RBFOX3: variants seen among roughly 807,000 people sequenced by gnomAD.
RBFOX3 encodes RNA binding fox-1 homolog 3, also known as RNA binding protein fox-1 homolog 3.
Under a neutral mutation model 48.7 loss-of-function variants are expected in RBFOX3, and 17 were observed. The observed-to-expected ratio is 0.35, with a 90% CI of 0.24 to 0.52. The LOEUF is 0.52. Among genes scored for constraint, RBFOX3 ranks in the 20% least tolerant of loss-of-function variants. RBFOX3 has a pLI of 0.94. For missense variants in RBFOX3, 382 were observed against 497.5 expected, an observed-to-expected ratio of 0.77 and a Z score of 2.21; for synonymous variants, 212 against 209.5, an observed-to-expected ratio of 1.01 and a Z score of -0.10.
chr17:79,245,002 C>CTT (rs2062959275), intron 3 of RBFOX3, among the ~76,000 whole-genome samples: 1 of 144,352 alleles, frequency 6.9e-6, no homozygotes, highest in African/African-American at 2.6e-5. Context: ...CCTCCCTTTT[C>CTT]TTTTCTTTCC....
At chr17:79,303,646 A>G (rs1431845990) in intron 3 of RBFOX3, among the ~76,000 whole-genome samples, 1 of 152,170 alleles carries the variant, frequency 6.6e-6, no homozygotes, top group Non-Finnish European at 1.5e-5. Flanking sequence ...TCTTTTAGAG[A>G]GAAATGATAG....
chr17:79,463,457 G>A (rs543785190), intron 2 of RBFOX3, among the ~76,000 whole-genome samples: 2,072 of 106,126 alleles, frequency 0.02, 99 homozygotes, highest in Non-Finnish European at 0.027. Flanking sequence ...CACCTCCACC[G>A]CCATCACCAC....
chr17:79,224,945 A>T (rs544965913), intron 4 of RBFOX3, among the ~76,000 whole-genome samples: 1 of 152,368 alleles, frequency 6.6e-6, no homozygotes, highest in African/African-American at 2.4e-5. Flanking sequence ...CTTTAGAAGA[A>T]TAAGAATTTG....
intron 1 of RBFOX3, among the ~76,000 whole-genome samples, chr17:79,531,917 G>A (rs1184712983): frequency 6.6e-6 from 1 of 152,218 alleles, no homozygotes; most frequent in Admixed American, 6.5e-5. Flanking sequence ...TCCGCACACA[G>A]CAGGCTGGAC....
At chr17:79,128,343 G>A (rs1030491838) in intron 4 of RBFOX3, among the ~76,000 whole-genome samples, 1 of 152,182 alleles carries the variant, frequency 6.6e-6, no homozygotes, top group Admixed American at 6.5e-5. Flanking sequence ...ATAAACCATC[G>A]TGAGCGTTTT....
At chr17:79,465,774 C>T (rs2058063496) in intron 2 of RBFOX3, among the ~76,000 whole-genome samples, 1 of 152,206 alleles carries the variant, frequency 6.6e-6, no homozygotes, top group South Asian at 2.1e-4. Flanking sequence ...CATGCTTCAG[C>T]CCCCGGTGGC....
chr17:79,168,519 C>T (rs1202600609), intron 4 of RBFOX3, among the ~76,000 whole-genome samples: 3 of 152,276 alleles, frequency 2.0e-5, no homozygotes, highest in Non-Finnish European at 4.4e-5. Context: ...GCCCTATGTC[C>T]TGTGGCCCCC....
chr17:79,124,938 C>T (rs1003255229), intron 4 of RBFOX3, among the ~76,000 whole-genome samples: 3 of 132,700 alleles, frequency 2.3e-5, no homozygotes, highest in Non-Finnish European at 5.1e-5. Context: ...GCCCAGTCCA[C>T]GACTCTCCCC....
intron 2 of RBFOX3, among the ~76,000 whole-genome samples, chr17:79,342,907 T>G (rs951229185): frequency 6.6e-6 from 1 of 152,020 alleles, no homozygotes; most frequent in African/African-American, 2.4e-5. Flanking sequence ...TTACTTTACA[T>G]GACTTTTCAA....
At chr17:79,331,066 A>T (rs562587818) in intron 2 of RBFOX3, among the ~76,000 whole-genome samples, 1 of 152,244 alleles carries the variant, frequency 6.6e-6, no homozygotes, top group African/African-American at 2.4e-5. Context: ...GGCTCTAAGC[A>T]TCTCTTTCCA....
At chr17:79,097,008 G>A (rs763239228) in intron 11 of RBFOX3, among the ~76,000 whole-genome samples, 175 bp from the exon 12 acceptor site, 9 of 152,230 alleles carry the variant, frequency 5.9e-5, no homozygotes, top group Non-Finnish European at 1.0e-4. Flanking sequence ...GCCCCTCGCT[G>A]ACCTCAAGAG....
intron 1 of RBFOX3, among the ~76,000 whole-genome samples, chr17:79,543,709 G>T (rs1201520110): frequency 2.0e-5 from 3 of 152,208 alleles, no homozygotes; most frequent in Non-Finnish European, 2.9e-5. Flanking sequence ...CAACCCCGCG[G>T]TCTTAGGTAC....
intron 2 of RBFOX3, among the ~76,000 whole-genome samples, chr17:79,310,135 C>T (rs146604066): frequency 9.6e-4 from 146 of 152,300 alleles, no homozygotes; most frequent in African/African-American, 3.3e-3. Context: ...CTACCCCGGA[C>T]GCGGTGTTCC....
chr17:79,540,757 C>G (rs564513763), intron 1 of RBFOX3, among the ~76,000 whole-genome samples: 2 of 152,246 alleles, frequency 1.3e-5, no homozygotes, highest in Non-Finnish European at 2.9e-5. Context: ...GTGCCCCCAT[C>G]TGTAAAAGTG....
At chr17:79,170,482 G>C (rs150092017) in intron 4 of RBFOX3, among the ~76,000 whole-genome samples, 203 of 152,194 alleles carry the variant, frequency 1.3e-3, no homozygotes, top group African/African-American at 4.6e-3. Context: ...TTGAGGGCTG[G>C]GGGGGCAAGG....
intron 2 of RBFOX3, among the ~76,000 whole-genome samples, chr17:79,420,178 A>AT (rs2066075633): frequency 9.8e-6 from 1 of 102,550 alleles, no homozygotes; most frequent in African/African-American, 4.0e-5. Flanking sequence ...CACACACAAA[A>AT]GATGGTTAAC....
At chr17:79,547,610 C>G (rs1053742554) in intron 1 of RBFOX3, among the ~76,000 whole-genome samples, 1 of 152,218 alleles carries the variant, frequency 6.6e-6, no homozygotes, top group African/African-American at 2.4e-5. Context: ...CACACACCCC[C>G]AGCACACATG....
intron 1 of RBFOX3, among the ~76,000 whole-genome samples, chr17:79,530,029 G>A (rs972797899): frequency 1.4e-4 from 21 of 152,288 alleles, no homozygotes; most frequent in Admixed American, 1.2e-3. Context: ...GAAGTTCGCC[G>A]ACCCCTGCTT....
chr17:79,096,780 G>A lies in RBFOX3; in HGVS notation c.809C>T (p.Pro270Leu), dbSNP rs1201936987. ...TGTCTGCTGAGGAGGGAGGGGGCAC[G>A]GTGCCAGCCCCGCCCATGGGACTGG... The part of the protein sequence containing the change: ...KMPVPWAGLA[P>L]CPLPPQQTPE... Residue 270 changes from proline to leucine, a missense_variant, in exon 12 of 15, where the codon CCG becomes CTG. Physicochemically the swap from Pro to Leu is moderately conservative, Grantham distance 98. Transcript: ENST00000693108. 1 of 1,215,964 alleles carries A rather than the reference G, an allele frequency of 8.2e-7. No individual in the cohort carries two copies. 75.3% of individuals were successfully genotyped at this position (1,215,964 alleles called of 1,614,324 possible). A position where few individuals can be genotyped will look rare whatever the true frequency, so the allele number is the denominator to read the frequency against.
Sources: allele counts gnomAD v4.1 joint callset (sites outside exome capture counted in the v4.1 genomes callset), GRCh38; gene constraint gnomAD v4.1.1; transcripts MANE v1.5; gene names NCBI Gene and HGNC (gene_info 2026-07-23, HGNC 2026-07-21).